ZNF749: variants seen among roughly 807,000 people sequenced by gnomAD.
The protein encoded by ZNF749 is zinc finger protein 749.
ZNF749 carries 8 observed loss-of-function variants against 7.3 expected under a neutral mutation model. The observed-to-expected ratio is 1.10, with a 90% CI of 0.64 to 1.98. The LOEUF (loss-of-function observed/expected upper bound fraction) is 1.98. Ranked by LOEUF, ZNF749 falls within the 30% of genes most tolerant of loss-of-function variation. The pLI is 0.00. For missense variants in ZNF749, 898 were observed against 932.4 expected, an observed-to-expected ratio of 0.96 and a Z score of 0.48; for synonymous variants, 310 against 322.4, an observed-to-expected ratio of 0.96 and a Z score of 0.41.
In ZNF749 at chr19:57,444,034, A is replaced by G; in HGVS notation, c.886A>G (p.Thr296Ala). 6.2e-7 allele frequency: 1 copy of G among 1,613,984 alleles called. No homozygotes were observed. Among genetic ancestry groups the G allele is most frequent in the South Asian group, 1.1e-5 (1 of 91,088 alleles). ...IEHQEILSRP[T>A]PYECTQCGKA... ...ACATCAGGAGATTCTCAGTAGACCA[A>G]CACCTTATGAATGCACCCAGTGTGG... Residue 296 changes from threonine to alanine, a missense_variant, in exon 3 of 3, where the codon ACA (threonine) becomes GCA (alanine). Coordinates refer to ENST00000334181, the MANE Select transcript of ZNF749 (RefSeq NM_001023561.4).
the ZNF749 span, among the ~76,000 whole-genome samples, chr19:57,429,025 C>CT: frequency 2.0e-5 from 3 of 151,486 alleles, no homozygotes; most frequent in Non-Finnish European, 4.4e-5. The surrounding 1 kb of genome is among the most constrained non-coding windows in gnomAD (Gnocchi z 4.2). Context: ...TCAATGAATA[C>CT]TTTTTTTTGT....
chr19:57,434,476 G>A (rs1568542660), upstream of ZNF749, among the ~76,000 whole-genome samples: 1 of 152,154 alleles, frequency 6.6e-6, no homozygotes, highest in Non-Finnish European at 1.5e-5. Flanking sequence ...TTGCCAATCG[G>A]AAAATCTTTG....
intron 1 of ZNF749, chr19:57,438,468 T>C: frequency 5.4e-6 from 1 of 185,576 alleles, no homozygotes; most frequent in South Asian, 1.5e-4. Flanking sequence ...GTTTCTTTCG[T>C]CTTAAGTTTT....
upstream of ZNF749, among the ~76,000 whole-genome samples, chr19:57,434,300 T>C (rs1333713637): frequency 6.6e-6 from 1 of 152,286 alleles, no homozygotes; most frequent in East Asian, 1.9e-4. Context: ...TTTCTACATG[T>C]TGGTCAGGCT....
Position 57,445,535 on chromosome 19 carries a change from A to G in ZNF749, c.*50A>G, listed in dbSNP as rs564389765. 1 of 1,551,964 alleles carries G rather than the reference A, an allele frequency of 6.4e-7. No individual in the cohort carries two copies. Among genetic ancestry groups the G allele is most frequent in the African/African-American group, 1.4e-5 (1 of 72,734 alleles). On this transcript the variant is annotated 3_prime_UTR_variant, in exon 3 of 3. Coordinates refer to ENST00000334181, the MANE Select transcript of ZNF749 (RefSeq NM_001023561.4). ...AAAACTGTCACCTCATTCAGCACCA[A>G]AAGGTTCACATCGGACCAAGAACCT...
Position 57,443,566 on chromosome 19 carries a change from T to C in ZNF749, c.418T>C (p.Phe140Leu), listed in dbSNP as rs2089017686. The C allele has an allele frequency of 1.2e-6, 2 of 1,614,204 alleles. No individual in the cohort carries two copies. The highest frequency in any genetic ancestry group is 1.7e-5 in the Admixed American group (1 of 60,028). The change falls in exon 3 of 3, where the codon TTT (phenylalanine) becomes CTT (leucine). Residue 140 changes from phenylalanine to leucine, a missense_variant. Phe to Leu is a conservative substitution (Grantham distance 22). Coordinates refer to ENST00000334181, the MANE Select transcript of ZNF749 (RefSeq NM_001023561.4). The stretch of plus-strand genomic sequence containing the variant: ...CAGAAGTGATGAGTGGAGGCCTTCA[T>C]TTGTGAACCACAGTGCTCACGTGGG... ...LTRSDEWRPS[F>L]VNHSAHVGER...
At position 57,444,449 on chromosome 19, in the gene ZNF749, G is replaced by C; in HGVS notation, c.1301G>C (p.Gly434Ala). 6.2e-7 allele frequency: 1 copy of C among 1,614,042 alleles called. No individual in the cohort carries two copies. Reference protein sequence around the residue: ...NVVQHLKIHTGERPYECTECE... With the variant: ...NVVQHLKIHTAERPYECTECE... ...GTTCAGCATCTGAAAATTCATACTG[G>C]AGAACGGCCTTATGAGTGCACTGAA... Residue 434 changes from glycine (G) to alanine (A), a missense_variant, in exon 3 of 3, where the codon GGA becomes GCA. Transcript: ENST00000334181.
At chr19:57,434,271 AT>A (rs1018392052), upstream of ZNF749, among the ~76,000 whole-genome samples, 4 of 151,910 alleles carry the variant, frequency 2.6e-5, no homozygotes, top group African/African-American at 9.7e-5. Flanking sequence ...CTAATTTTGT[AT>A]TTTTAGTAGA....
In ZNF749 at chr19:57,439,452, T is replaced by A. The variant is rs1199180004; in HGVS notation, c.16-2433T>A. 6.6e-6 allele frequency among the ~76,000 whole-genome samples: 1 copy of A among 152,116 alleles called. No individual in the cohort carries two copies. Among genetic ancestry groups the A allele is most frequent in the Non-Finnish European group, 1.5e-5 (1 of 68,026 alleles). ...GGGAGTGTTTATATAGTAGAGCATA[T>A]GAGGAACCAAGTTTTGGCCAAGTCA... On this transcript the variant is annotated intron_variant, in intron 1 of 2. Transcript: ENST00000334181. This position sits in a 1 kb window ranked among gnomAD's most constrained non-coding sequence, Gnocchi z 4.3.
At position 57,439,008 on chromosome 19, in the gene ZNF749, C is replaced by T. The variant is rs34759950; in HGVS notation, c.16-2877C>T. 6.6e-6 allele frequency among the ~76,000 whole-genome samples: 1 copy of T among 152,056 alleles called. No individual in the cohort carries two copies. The highest frequency in any genetic ancestry group is 1.5e-5 in the Non-Finnish European group (1 of 68,006). ...TTGGGGCATACAGGGCATGCGGGAT[C>T]GGCATGGAATGGCAGTCTAAGGTTC... On this transcript the variant is annotated intron_variant, in intron 1 of 2. Transcript: ENST00000334181. The surrounding 1 kb of genome is among the most constrained non-coding windows in gnomAD (Gnocchi z 4.3).
chr19:57,431,790 T>C (rs934276606), upstream of ZNF749, among the ~76,000 whole-genome samples: 11 of 152,204 alleles, frequency 7.2e-5, no homozygotes, highest in African/African-American at 2.2e-4. Flanking sequence ...TGATATTAGC[T>C]GAAACAAGTC....
chr19:57,444,363 T>A lies in ZNF749; in HGVS notation c.1215T>A (p.Ala405=), dbSNP rs555328607. 1 of 1,614,192 alleles carries A rather than the reference T, an allele frequency of 6.2e-7. No homozygotes were observed. The highest frequency in any genetic ancestry group is 2.2e-5 in the East Asian group (1 of 44,886). ...STLNMHQRVH[A]GKRLYKCSEC... ...TCAATATGCACCAGAGAGTTCATGC[T>A]GGCAAAAGGCTTTATAAGTGTAGCG... Residue 405 remains alanine, a synonymous_variant, in exon 3 of 3, where the codon GCT becomes GCA. Transcript: ENST00000334181.
Position 57,444,083 on chromosome 19 carries a change from A to G in ZNF749, c.935A>G (p.His312Arg), listed in dbSNP as rs1295987613. The change falls in exon 3 of 3, where the codon CAT becomes CGT. Residue 312 changes from histidine (H) to arginine (R), a missense_variant. Transcript: ENST00000334181. ...QCGKAFLTQAHLVGHQKTHTG... is the reference protein window; with the variant it reads ...QCGKAFLTQARLVGHQKTHTG... ...GGGAAGGCCTTTCTTACACAGGCTC[A>G]TCTGGTTGGTCACCAGAAAACCCAT... is the stretch of plus-strand genomic sequence containing the variant. 1.2e-6 allele frequency: 2 copies of G among 1,614,080 alleles called. No individual in the cohort carries two copies. The highest frequency in any genetic ancestry group is 2.7e-5 in the African/African-American group (2 of 75,042).
At chr19:57,432,590 G>GA (rs1180774312), upstream of ZNF749, among the ~76,000 whole-genome samples, 1 of 147,002 alleles carries the variant, frequency 6.8e-6, no homozygotes, top group African/African-American at 2.5e-5. Flanking sequence ...AAAAAGGTGG[G>GA]GGGGACTAAA....
chr19:57,439,301 A>G lies in ZNF749; in HGVS notation c.16-2584A>G, dbSNP rs1280308779. 6.6e-6 allele frequency among the ~76,000 whole-genome samples: 1 copy of G among 152,052 alleles called. No homozygotes were observed. The highest frequency in any genetic ancestry group is 1.5e-5 in the Non-Finnish European group (1 of 68,010). On this transcript the variant is annotated intron_variant, in intron 1 of 2. Transcript: ENST00000334181. This position sits in a 1 kb window ranked among gnomAD's most constrained non-coding sequence, Gnocchi z 4.3. ...TGATCTAGAGCTGCCTGTATTTTAT[A>G]ACGTAGAGAGCAAGGAAGCTTGGGA...
chr19:57,441,005 A>G (rs956718572), intron 1 of ZNF749, among the ~76,000 whole-genome samples: 1 of 151,550 alleles, frequency 6.6e-6, no homozygotes, highest in African/African-American at 2.4e-5. Context: ...AGGTGCCTGT[A>G]ATCCCAGCTA....
In ZNF749 at chr19:57,444,176, G is replaced by C. The variant is rs749846283; in HGVS notation, c.1028G>C (p.Arg343Thr). Residue 343 changes from arginine to threonine, a missense_variant, in exon 3 of 3, where the codon AGA becomes ACA. Transcript: ENST00000334181. The stretch of plus-strand genomic sequence containing the variant: ...TTTATGTATAACTCCAAACTCATCA[G>C]ACATCAGAAAGTTCACACTGGGGAG... ...KFFMYNSKLI[R>T]HQKVHTGERR... 6.2e-7 allele frequency: 1 copy of C among 1,614,012 alleles called. No homozygotes were observed. The highest frequency in any genetic ancestry group is 8.5e-7 in the Non-Finnish European group (1 of 1,180,006).
chr19:57,443,969 A>G lies in ZNF749; in HGVS notation c.821A>G (p.His274Arg). Residue 274 changes from histidine to arginine, a missense_variant, in exon 3 of 3, where the codon CAC becomes CGC. Coordinates refer to ENST00000334181, the MANE Select transcript of ZNF749 (RefSeq NM_001023561.4). ...KSNLVQHQKIHSEGFLSKRSD... is the reference protein window; with the variant it reads ...KSNLVQHQKIRSEGFLSKRSD... ...AACCTAGTTCAGCACCAGAAAATTC[A>G]CAGTGAAGGCTTTCTTTCAAAAAGG... The G allele has an allele frequency of 6.2e-7, 1 of 1,613,944 alleles. No individual in the cohort carries two copies. The highest frequency in any genetic ancestry group is 1.1e-5 in the South Asian group (1 of 91,072).
rs1168028419 is a variant in ZNF749, at chr19:57,445,974, A to T, written c.*489A>T. Among the ~76,000 whole-genome samples, 1 of 152,150 alleles carries T rather than the reference A, an allele frequency of 6.6e-6. No homozygotes were observed. The highest frequency in any genetic ancestry group is 2.4e-5 in the African/African-American group (1 of 41,428). On this transcript the variant is annotated 3_prime_UTR_variant, in exon 3 of 3. Coordinates refer to ENST00000334181, the MANE Select transcript of ZNF749 (RefSeq NM_001023561.4). ...TTGTGGCAAATTACAGGTAACTTAA[A>T]ATCTACCATCTTAACCCATATTTAA...
Sources: allele counts gnomAD v4.1 joint callset (sites outside exome capture counted in the v4.1 genomes callset), GRCh38; gene constraint gnomAD v4.1.1; non-coding constraint Gnocchi (gnomAD v3.1); transcripts MANE v1.5; gene names NCBI Gene and HGNC (gene_info 2026-07-23, HGNC 2026-07-21).